Variants in ALG12 observed in about 807,000 individuals in gnomAD.
ALG12 encodes dol-P-Man:Man(7)GlcNAc(2)-PP-Dol alpha-1,6-mannosyltransferase.
ALG12 carries 36 observed loss-of-function variants against 46.0 expected under a neutral mutation model. The ratio of observed to expected loss-of-function variants is 0.78; its 90% CI spans 0.60 to 1.03. The LOEUF (loss-of-function observed/expected upper bound fraction) is 1.03. Among genes scored for constraint, ALG12 ranks in the 50% least tolerant of loss-of-function variants. The pLI is 0.00. For missense variants in ALG12, 599 were observed against 633.5 expected (o/e 0.95, Z 0.58); for synonymous variants, 326 against 291.6 (o/e 1.12, Z -1.20).
chr22:49,910,144 A>T (rs886254561), intron 4 of ALG12, 56 bp from the exon 5 acceptor site: 13 of 1,530,930 alleles, frequency 8.5e-6, no homozygotes, highest in Non-Finnish European at 1.1e-5. Flanking sequence ...CCGGCCCAGA[A>T]AACACCCGGG....
In ALG12 at chr22:49,917,855, G is replaced by A. The variant is rs2060623023; in HGVS notation, c.-79+408C>T. ...CGAGTGTTCATCACCTCAAGCGCCT[G>A]TAGAAATGCAGATCCCCAGCCCCCA... On this transcript the variant is annotated intron_variant, in intron 1 of 9. Transcript: ENST00000330817. 2.3e-5 allele frequency among the ~76,000 whole-genome samples: 3 copies of A among 127,916 alleles called. No homozygotes were observed. The South Asian group carries it at 8.3e-4, about 35-fold the overall frequency. The allele number at this position is 127,916 out of a possible 152,430, so 83.9% of individuals were successfully genotyped here.
rs1601820463 is a variant in ALG12, at chr22:49,906,643, G to C, written c.992+1078C>G. 3.3e-5 allele frequency among the ~76,000 whole-genome samples: 5 copies of C among 152,210 alleles called. No individual in the cohort carries two copies. The highest frequency in any genetic ancestry group is 6.5e-5 in the Admixed American group (1 of 15,290). On this transcript the variant is annotated intron_variant, in intron 7 of 9. Transcript: ENST00000330817. The surrounding 1 kb of genome is among the most constrained non-coding windows in gnomAD (Gnocchi z 4.4). ...CATTGTGGGGCTTCCTCTCCAGCCA[G>C]AGTGGGCACCTCTCAATGCCCCAGG...
chr22:49,867,133 A>G, the ALG12 span, among the ~76,000 whole-genome samples: 1 of 152,152 alleles, frequency 6.6e-6, no homozygotes, highest in African/African-American at 2.4e-5. Context: ...AACACTTTCC[A>G]GTTTACCTCA....
chr22:49,877,473 G>T, the ALG12 span, among the ~76,000 whole-genome samples: 1 of 151,844 alleles, frequency 6.6e-6, no homozygotes, highest in Admixed American at 6.6e-5. Context: ...TGTATTTTTA[G>T]TAGAGACGGG....
chr22:49,911,169 G>A (rs371391173), intron 3 of ALG12, among the ~76,000 whole-genome samples: 1 of 152,252 alleles, frequency 6.6e-6, no homozygotes, highest in African/African-American at 2.4e-5. Context: ...GGACCGGCCT[G>A]TCAGCCGCTG....
chr22:49,883,546 C>G, the ALG12 span: 1 of 1,353,942 alleles, frequency 7.4e-7, no homozygotes, highest in East Asian at 2.5e-5. Flanking sequence ...CTAGAAACAT[C>G]CTGAAAGATG....
chr22:49,891,855 A>G, the ALG12 span, among the ~76,000 whole-genome samples: 1 of 152,200 alleles, frequency 6.6e-6, no homozygotes, highest in Admixed American at 6.5e-5. Flanking sequence ...GCAATAATAA[A>G]ACATTGAACT....
chr22:49,912,898 A>G (rs892093984), intron 3 of ALG12, among the ~76,000 whole-genome samples: 4 of 152,218 alleles, frequency 2.6e-5, no homozygotes, highest in African/African-American at 9.7e-5. Flanking sequence ...TTTTAGAACA[A>G]TATGTACAAA....
chr22:49,887,164 T>C, the ALG12 span: 4 of 1,610,470 alleles, frequency 2.5e-6, no homozygotes, highest in Non-Finnish European at 3.4e-6. Context: ...TCCCTTAATA[T>C]ACTTTCAGTA....
rs556854674 is a variant in ALG12 at position 49,905,912 on chromosome 22, G to A, written c.993-1406C>T. 3.3e-5 allele frequency among the ~76,000 whole-genome samples: 5 copies of A among 152,214 alleles called. No homozygotes were observed. Among genetic ancestry groups the A allele is most frequent in the East Asian group, 3.9e-4 (2 of 5,172 alleles). Reference sequence around the variant, plus strand: ...GCCAGGGCGTTCGTCCTTTGTTCCCGCCCAAACCTGGAGTGGGCAGTCACT... The same window carrying A: ...GCCAGGGCGTTCGTCCTTTGTTCCCACCCAAACCTGGAGTGGGCAGTCACT... On this transcript the variant is annotated intron_variant, in intron 7 of 9. Coordinates refer to ENST00000330817, the MANE Select transcript of ALG12 (RefSeq NM_024105.4). This position sits in a 1 kb window ranked among gnomAD's most constrained non-coding sequence, Gnocchi z 4.9.
At chr22:49,908,178 A>T (rs919671796) in intron 6 of ALG12, among the ~76,000 whole-genome samples, 1 of 152,222 alleles carries the variant, frequency 6.6e-6, no homozygotes, top group Non-Finnish European at 1.5e-5. Context: ...TCCAGGCAGG[A>T]CCAAGGCAGC....
Position 49,909,908 on chromosome 22 carries a change from C to G in ALG12, c.650G>C (p.Gly217Ala). 2 of 1,614,126 alleles carry G rather than the reference C, an allele frequency of 1.2e-6. No individual in the cohort carries two copies. Among genetic ancestry groups the G allele is most frequent in the Non-Finnish European group, 8.5e-7 (1 of 1,180,022 alleles). ...VRALRHAVPAGILCLGLTVAV... is the reference protein window; with the variant it reads ...VRALRHAVPAAILCLGLTVAV... ...GACTGACTTACCTAAACAGAGGATC[C>G]CTGCCGGGACGGCGTGGCGAAGGGC... The change falls in exon 5 of 10, where the codon GGG (glycine) becomes GCG (alanine). Residue 217 changes from glycine (G) to alanine (A), a missense_variant. Transcript: ENST00000330817.
chr22:49,909,440 G>T, intron 5 of ALG12, 93 bp from the exon 6 acceptor site: 2 of 1,293,246 alleles, frequency 1.5e-6, no homozygotes, highest in Non-Finnish European at 2.2e-6. Context: ...GAAACTACAA[G>T]CTGCTTTCAT....
chr22:49,880,616 T>C, the ALG12 span, among the ~76,000 whole-genome samples: 2 of 152,212 alleles, frequency 1.3e-5, no homozygotes, highest in Non-Finnish European at 2.9e-5. Flanking sequence ...TTGTCTGAGG[T>C]CAACCTGGTT....
downstream of ALG12, among the ~76,000 whole-genome samples, chr22:49,896,239 C>T (rs759344820): frequency 5.9e-5 from 9 of 152,248 alleles, no homozygotes; most frequent in African/African-American, 1.4e-4. Flanking sequence ...TTCACCTAGG[C>T]GTCATCCTCA....
chr22:49,903,028 C>T lies in ALG12; in HGVS notation c.*810G>A. On this transcript the variant is annotated 3_prime_UTR_variant, in exon 10 of 10. Coordinates refer to ENST00000330817, the MANE Select transcript of ALG12 (RefSeq NM_024105.4). ...TATGCATGGTGTGTGCATACGTGTG[C>T]AGCAGCACCTGGTCCCATCTCCAGT... The T allele has an allele frequency of 2.9e-6, 1 of 347,846 alleles. No individual in the cohort carries two copies. The highest frequency in any genetic ancestry group is 5.6e-6 in the Non-Finnish European group (1 of 178,550). The allele number at this position is 347,846 out of a possible 1,614,324, so 21.5% of individuals were successfully genotyped here.
At chr22:49,885,107 G>C in the ALG12 span, 5 of 1,613,938 alleles carry the variant, frequency 3.1e-6, no homozygotes, top group Middle Eastern at 1.7e-4. Context: ...TACTGCGGCT[G>C]TGCCATCAGC....
the ALG12 span, among the ~76,000 whole-genome samples, chr22:49,878,531 T>C: frequency 6.6e-6 from 1 of 152,180 alleles, no homozygotes; most frequent in Non-Finnish European, 1.5e-5. Flanking sequence ...ACAGATTGTG[T>C]TGGAACAGTT....
the ALG12 span, among the ~76,000 whole-genome samples, chr22:49,892,417 C>A: frequency 1.3e-5 from 2 of 152,224 alleles, no homozygotes; most frequent in Non-Finnish European, 2.9e-5. Flanking sequence ...CAGCAACACA[C>A]AAGCTGTCAT....
Sources: allele counts gnomAD v4.1 joint callset (sites outside exome capture counted in the v4.1 genomes callset), GRCh38; gene constraint gnomAD v4.1.1; non-coding constraint Gnocchi (gnomAD v3.1); transcripts MANE v1.5; gene names NCBI Gene and HGNC (gene_info 2026-07-23, HGNC 2026-07-21).